CLASP1: variants seen among roughly 807,000 people sequenced by gnomAD.
The protein encoded by CLASP1 is cytoplasmic linker associated protein 1.
CLASP1 carries 38 observed loss-of-function variants against 192.3 expected under a neutral mutation model. That is an observed-to-expected ratio of 0.20 (90% CI 0.15 to 0.26). The LOEUF (loss-of-function observed/expected upper bound fraction) is 0.26, where lower values mean the gene tolerates loss of function less well. Ranked by LOEUF, CLASP1 falls within the 10% of genes least tolerant of loss-of-function variation. CLASP1 has a pLI of 1.00. For missense variants in CLASP1, 1,433 were observed against 1,932.5 expected (o/e 0.74, Z 4.85); for synonymous variants, 691 against 712.8 (o/e 0.97, Z 0.49).
chr2:121,487,760 C>T (rs764543255), intron 8 of CLASP1, among the ~76,000 whole-genome samples: 1 of 152,220 alleles, frequency 6.6e-6, no homozygotes, highest in African/African-American at 2.4e-5. Context: ...ATGCTCCCCT[C>T]CTTTAGAATG....
intron 7 of CLASP1, 57 bp from the exon 8 acceptor site, chr2:121,503,291 T>C: frequency 1.0e-6 from 1 of 998,602 alleles, no homozygotes; most frequent in Non-Finnish European, 1.5e-6. Context: ...TAGCCAATTA[T>C]ATTAAAATGC....
intron 37 of CLASP1, among the ~76,000 whole-genome samples, chr2:121,349,403 G>A (rs984461955): frequency 1.3e-5 from 2 of 152,196 alleles, no homozygotes; most frequent in Non-Finnish European, 2.9e-5. Context: ...GGTGCAACGA[G>A]CTGTGTTGGT....
At position 121,530,930 on chromosome 2, in the gene CLASP1, G is replaced by A. The variant is rs188343279; in HGVS notation, c.196-605C>T. ...TACTGTCCAATGAGCGCATAGTGAGGGCAGTACTGCTAACGCCTGAACAAC... is the reference window on the plus strand; with the variant it reads ...TACTGTCCAATGAGCGCATAGTGAGAGCAGTACTGCTAACGCCTGAACAAC... On this transcript the variant is annotated intron_variant, in intron 2 of 39. Coordinates refer to ENST00000263710, the Ensembl canonical transcript of CLASP1. 4.9e-4 allele frequency: 340 copies of A among 700,358 alleles called. No homozygotes were observed. The highest frequency in any genetic ancestry group is 6.7e-4 in the South Asian group (45 of 67,504). The allele number at this position is 700,358 out of a possible 1,614,324, so 43.4% of individuals were successfully genotyped here. A position where few individuals can be genotyped will look rare whatever the true frequency, so the allele number is the denominator to read the frequency against.
chr2:121,527,520 C>G (rs1326278094), intron 5 of CLASP1, among the ~76,000 whole-genome samples: 1 of 152,142 alleles, frequency 6.6e-6, no homozygotes, highest in East Asian at 1.9e-4. Context: ...CATGAAGGAG[C>G]CCGGCAGTGA....
At chr2:121,457,876 C>T in intron 13 of CLASP1, 119 bp from the exon 14 acceptor site, 1 of 638,262 alleles carries the variant, frequency 1.6e-6, no homozygotes, top group South Asian at 2.5e-5. Flanking sequence ...ATTAGAATGT[C>T]AGTGAGTTTT....
At chr2:121,539,933 A>T (rs1370854185) in intron 2 of CLASP1, among the ~76,000 whole-genome samples, 4 of 152,236 alleles carry the variant, frequency 2.6e-5, no homozygotes, top group Non-Finnish European at 5.9e-5. Context: ...CAATGGCTAA[A>T]ACGGAAAAAG....
intron 19 of CLASP1, among the ~76,000 whole-genome samples, chr2:121,434,408 G>C (rs1456645804): frequency 6.6e-6 from 1 of 151,950 alleles, no homozygotes; most frequent in Non-Finnish European, 1.5e-5. Flanking sequence ...GGGACTACAG[G>C]TGTATGTCAC....
intron 8 of CLASP1, among the ~76,000 whole-genome samples, chr2:121,473,178 G>GAA (rs967728128): frequency 6.6e-6 from 1 of 152,046 alleles, no homozygotes; most frequent in Non-Finnish European, 1.5e-5. Context: ...TCTGAGAAAT[G>GAA]ATGAAATAAG....
At chr2:121,537,889 T>C (rs919712426) in intron 2 of CLASP1, among the ~76,000 whole-genome samples, 23 of 152,228 alleles carry the variant, frequency 1.5e-4, no homozygotes, top group Admixed American at 1.0e-3. Context: ...ATCTGAGAAA[T>C]TGAACATCCA....
At position 121,380,991 on chromosome 2, in the gene CLASP1, C is replaced by T. The variant is rs149877584; in HGVS notation, c.3491+1217G>A. ...AACATACTGGGAGATAGTCAACCAACTGATCTTACACTTGGAGGCACAGCT... is the reference window on the plus strand; with the variant it reads ...AACATACTGGGAGATAGTCAACCAATTGATCTTACACTTGGAGGCACAGCT... On this transcript the variant is annotated intron_variant, in intron 33 of 39. Transcript: ENST00000263710. Among the ~76,000 whole-genome samples the T allele has an allele frequency of 1.9e-3, 282 of 152,248 alleles. 1 individual carries two copies. Among genetic ancestry groups the T allele is most frequent in the African/African-American group, 6.5e-3 (269 of 41,526 alleles).
At chr2:121,378,427 A>G (rs2070796457) in intron 33 of CLASP1, among the ~76,000 whole-genome samples, 1 of 152,232 alleles carries the variant, frequency 6.6e-6, no homozygotes, top group Non-Finnish European at 1.5e-5. Flanking sequence ...CATTGGGCAC[A>G]GCAAAACATG....
chr2:121,482,618 G>A (rs993652147), intron 8 of CLASP1, among the ~76,000 whole-genome samples: 5 of 152,040 alleles, frequency 3.3e-5, no homozygotes, highest in Admixed American at 6.5e-5. Context: ...GAGCACCCTA[G>A]GGGGTGAATT....
intron 34 of CLASP1, among the ~76,000 whole-genome samples, chr2:121,371,455 T>C (rs2068711830): frequency 6.6e-6 from 1 of 151,952 alleles, no homozygotes; most frequent in African/African-American, 2.4e-5. Context: ...CCCAGGCTGT[T>C]CTTGAACTCC....
chr2:121,398,871 A>C (rs2075720768), intron 28 of CLASP1, among the ~76,000 whole-genome samples: 1 of 152,230 alleles, frequency 6.6e-6, no homozygotes, highest in African/African-American at 2.4e-5. Context: ...CACACCACAG[A>C]AGAATGCCTG....
At chr2:121,481,324 A>C (rs2092583240) in intron 8 of CLASP1, among the ~76,000 whole-genome samples, 1 of 149,372 alleles carries the variant, frequency 6.7e-6, no homozygotes, top group Admixed American at 6.7e-5. Flanking sequence ...TTAGGCAGCC[A>C]AAAAAAAAAT....
intron 1 of CLASP1, among the ~76,000 whole-genome samples, chr2:121,630,274 T>C (rs1313150993): frequency 6.6e-6 from 1 of 152,038 alleles, no homozygotes; most frequent in Non-Finnish European, 1.5e-5. Flanking sequence ...TTCCAGAAAG[T>C]TGTTTTTAAA....
intron 33 of CLASP1, among the ~76,000 whole-genome samples, chr2:121,378,823 T>C (rs949613872): frequency 2.0e-5 from 3 of 152,174 alleles, no homozygotes; most frequent in Non-Finnish European, 4.4e-5. Flanking sequence ...GCAATCTTCC[T>C]GTTCTTCAAA....
intron 30 of CLASP1, among the ~76,000 whole-genome samples, chr2:121,396,627 A>C (rs10496566): frequency 6.6e-6 from 1 of 152,098 alleles, no homozygotes; most frequent in Non-Finnish European, 1.5e-5. Context: ...ATATAGAATA[A>C]GTTTCAGCCC....
chr2:121,472,422 A>G (rs552646201), intron 8 of CLASP1, among the ~76,000 whole-genome samples: 1 of 152,336 alleles, frequency 6.6e-6, no homozygotes, highest in South Asian at 2.1e-4. Flanking sequence ...TAATTTGCAT[A>G]AAGATATGGA....
Sources: gnomAD v4.1 joint callset for allele counts (sites outside exome capture counted in the v4.1 genomes callset) on GRCh38, gnomAD v4.1.1 for gene constraint, MANE v1.5 for transcripts, NCBI Gene and HGNC (gene_info 2026-07-23, HGNC 2026-07-21) for gene names.